Variants in CCS observed in about 807,000 individuals in gnomAD.
CCS encodes copper chaperone for superoxide dismutase.
CCS carries 32 observed loss-of-function variants against 35.5 expected under a neutral mutation model. The observed-to-expected ratio is 0.90, with a 90% CI of 0.68 to 1.21. CCS has a LOEUF of 1.21. Ranked by LOEUF, CCS falls within the 50% of genes most tolerant of loss-of-function variation. CCS has a pLI of 0.00. For synonymous variants in CCS, 130 were observed against 147.2 expected, an observed-to-expected ratio of 0.88 and a Z score of 0.84; for missense variants, 342 against 375.4, an observed-to-expected ratio of 0.91 and a Z score of 0.73.
intron 3 of CCS, 102 bp from the exon 4 acceptor site, chr11:66,599,357 G>A (rs1352572211): frequency 3.3e-6 from 5 of 1,498,402 alleles, no homozygotes; most frequent in Non-Finnish European, 4.5e-6. Context: ...GTGGCTTTGA[G>A]GAAGGTGTGA....
chr11:66,605,948 G>A lies in CCS; in HGVS notation c.*93G>A. The stretch of plus-strand genomic sequence containing the variant: ...GAGGGACTTTGCCTGCCCAGTCTTT[G>A]GAGAGCTCAGTACAGGGCAGGAGCT... On this transcript the variant is annotated 3_prime_UTR_variant, in exon 8 of 8. Transcript: ENST00000533244. The A allele has an allele frequency of 7.5e-7, 1 of 1,337,778 alleles. No individual in the cohort carries two copies. The highest frequency in any genetic ancestry group is 9.9e-7 in the Non-Finnish European group (1 of 1,013,708). 82.9% of individuals were successfully genotyped at this position (1,337,778 alleles called of 1,614,324 possible). A position where few individuals can be genotyped will look rare whatever the true frequency, so the allele number is the denominator to read the frequency against.
rs1467405865 is a variant in CCS, at chr11:66,605,929, C to CT, written c.*77dup. On this transcript the variant is annotated 3_prime_UTR_variant, in exon 8 of 8. Coordinates refer to ENST00000533244, the MANE Select transcript of CCS (RefSeq NM_005125.2). ...CCACTTCCAGAGGGGGCCAGAGGGA[C>CT]TTTGCCTGCCCAGTCTTTGGAGAGC... The CT allele has an allele frequency of 7.1e-7, 1 of 1,411,330 alleles. No homozygotes were observed. Among genetic ancestry groups the CT allele is most frequent in the Non-Finnish European group, 9.3e-7 (1 of 1,076,302 alleles). The allele number at this position is 1,411,330 out of a possible 1,614,324, so 87.4% of individuals were successfully genotyped here. A position where few individuals can be genotyped will look rare whatever the true frequency, so the allele number is the denominator to read the frequency against.
intron 2 of CCS, among the ~76,000 whole-genome samples, chr11:66,596,239 A>G (rs111523728): frequency 0.014 from 2,166 of 149,818 alleles, 57 homozygotes; most frequent in African/African-American, 0.05. Flanking sequence ...GCTAATTTTC[A>G]TACTTTTACT....
chr11:66,598,201 T>G (rs1858510841), intron 2 of CCS, among the ~76,000 whole-genome samples: 1 of 151,976 alleles, frequency 6.6e-6, no homozygotes, highest in South Asian at 2.1e-4. Context: ...TATCACTTCA[T>G]AAAGAAATCC....
At chr11:66,602,842 A>T (rs1292845893) in intron 5 of CCS, among the ~76,000 whole-genome samples, 1 of 152,236 alleles carries the variant, frequency 6.6e-6, no homozygotes, top group Non-Finnish European at 1.5e-5. Context: ...ACTGAGCAGG[A>T]GCTGACCAGC....
chr11:66,605,111 G>A lies in CCS; in HGVS notation c.490-228G>A, dbSNP rs1368916644. The A allele has an allele frequency of 4.6e-6, 7 of 1,509,220 alleles. No homozygotes were observed. The Admixed American group carries it at 1.4e-4, about 30-fold the overall frequency. The allele number at this position is 1,509,220 out of a possible 1,614,324, so 93.5% of individuals were successfully genotyped here. On this transcript the variant is annotated intron_variant, in intron 5 of 7. Transcript: ENST00000533244. ...AGGATTTCAGTTCCAGGGAGGGAGT[G>A]TTCAGATGGTCCGGGACTTCCTGGA... is the stretch of plus-strand genomic sequence containing the variant.
At chr11:66,605,024 G>A (rs1228039786) in intron 5 of CCS, 2 of 953,098 alleles carry the variant, frequency 2.1e-6, no homozygotes, top group Non-Finnish European at 2.9e-6. Context: ...GATCCAATGG[G>A]AATGACTGCA....
chr11:66,601,641 T>C (rs1858573171), intron 5 of CCS, among the ~76,000 whole-genome samples: 1 of 151,170 alleles, frequency 6.6e-6, no homozygotes, highest in African/African-American at 2.4e-5. Context: ...TGATCATGGC[T>C]CACTACAGCC....
At position 66,593,309 on chromosome 11, in the gene CCS, C is replaced by G. The variant is rs769897965; in HGVS notation, c.39+9C>G. 5 of 1,529,124 alleles carry G rather than the reference C, an allele frequency of 3.3e-6. No homozygotes were observed. The African/African-American group carries it at 6.9e-5, about 21-fold the overall frequency. The allele number at this position is 1,529,124 out of a possible 1,614,324, so 94.7% of individuals were successfully genotyped here. A position where few individuals can be genotyped will look rare whatever the true frequency, so the allele number is the denominator to read the frequency against. The stretch of plus-strand genomic sequence containing the variant: ...AGGGGACCCTCTGCACGGTGAGGGT[C>G]GAGGCTTCGTGTGGAGCCTCGCCGG... On this transcript the variant is annotated intron_variant, in intron 1 of 7. Transcript: ENST00000533244.
chr11:66,596,581 C>A (rs573512225), intron 2 of CCS, among the ~76,000 whole-genome samples: 1 of 151,840 alleles, frequency 6.6e-6, no homozygotes, highest in Non-Finnish European at 1.5e-5. Context: ...GGGGTTTCAC[C>A]GTGTTAGCCA....
chr11:66,599,623 A>G lies in CCS; in HGVS notation c.415A>G (p.Asn139Asp), dbSNP rs1209720592. 6 of 1,610,752 alleles carry G rather than the reference A, an allele frequency of 3.7e-6. No homozygotes were observed. In the South Asian group the frequency reaches 6.6e-5, roughly 18 times the overall value. ...CGTCCATCAGTACGGGGACCTTACAAACAACTGCAACAGGTGAGTTGTCTG... is the reference window on the plus strand; with the variant it reads ...CGTCCATCAGTACGGGGACCTTACAGACAACTGCAACAGGTGAGTTGTCTG... Reference protein sequence around the residue: ...LHVHQYGDLTNNCNSCGNHFN... With the variant: ...LHVHQYGDLTDNCNSCGNHFN... The change falls in exon 4 of 8, where the codon AAC (asparagine) becomes GAC (aspartate). Residue 139 changes from asparagine (N) to aspartate (D), a missense_variant. Asn to Asp is a conservative substitution (Grantham distance 23). Transcript: ENST00000533244.
Position 66,600,374 on chromosome 11 carries a change from C to T in CCS, c.429-115C>T, listed in dbSNP as rs928922654. On this transcript the variant is annotated intron_variant, in intron 4 of 7. Transcript: ENST00000533244. ...ACCCAAAGCCCAGCACAGAGTAGGC[C>T]TGTTTGTTGAATGAATGAATGAATG... 13 of 644,604 alleles carry T rather than the reference C, an allele frequency of 2.0e-5. No homozygotes were observed. In the African/African-American group the frequency reaches 2.2e-4, roughly 11 times the overall value. 39.9% of individuals were successfully genotyped at this position (644,604 alleles called of 1,614,324 possible).
At chr11:66,593,360 A>C in intron 1 of CCS, 60 bp downstream of exon 1, 1 of 1,442,998 alleles carries the variant, frequency 6.9e-7, no homozygotes, top group Non-Finnish European at 9.2e-7. Flanking sequence ...CCCTGGGATG[A>C]TCGTTACCTT....
chr11:66,605,321 C>G lies in CCS; in HGVS notation c.490-18C>G. On this transcript the variant is annotated intron_variant, in intron 5 of 7. Coordinates refer to ENST00000533244, the MANE Select transcript of CCS (RefSeq NM_005125.2). Reference sequence around the variant, plus strand: ...ACGTGGCACACATCCCCTATACACACACTGGATCTCATTCCAGCACCGCGG... The same window carrying G: ...ACGTGGCACACATCCCCTATACACAGACTGGATCTCATTCCAGCACCGCGG... The G allele has an allele frequency of 1.9e-6, 3 of 1,614,078 alleles. No individual in the cohort carries two copies. Among genetic ancestry groups the G allele is most frequent in the East Asian group, 2.2e-5 (1 of 44,884 alleles).
Position 66,593,727 on chromosome 11 carries a change from T to G in CCS, c.112+13T>G, listed in dbSNP as rs756233845. 2.9e-4 allele frequency: 465 copies of G among 1,613,140 alleles called. No individual in the cohort carries two copies. Among genetic ancestry groups the G allele is most frequent in the Non-Finnish European group, 3.7e-4 (434 of 1,179,300 alleles). ...CAAGGGGTGGCAGGTAAGAACAGGG[T>G]AAACTTTTCTGCAGACAGTCCAGAA... On this transcript the variant is annotated intron_variant, in intron 2 of 7. Transcript: ENST00000533244.
intron 2 of CCS, among the ~76,000 whole-genome samples, chr11:66,597,238 C>T (rs1354318755): frequency 6.6e-6 from 1 of 151,784 alleles, no homozygotes; most frequent in Non-Finnish European, 1.5e-5. Context: ...GCAGGCAGAT[C>T]ATGAGGTGAG....
chr11:66,604,388 C>T (rs189153063), intron 5 of CCS, among the ~76,000 whole-genome samples: 4 of 152,354 alleles, frequency 2.6e-5, no homozygotes, highest in African/African-American at 9.6e-5. Context: ...TAAAGCAGAA[C>T]TGCCACTTCT....
At chr11:66,596,502 C>T (rs1222284534) in intron 2 of CCS, among the ~76,000 whole-genome samples, 1 of 152,006 alleles carries the variant, frequency 6.6e-6, no homozygotes, top group Non-Finnish European at 1.5e-5. Flanking sequence ...GCTTCAGCCT[C>T]CTGAGTAGCT....
chr11:66,598,965 A>T, intron 2 of CCS, 151 bp from the exon 3 acceptor site: 6 of 815,432 alleles, frequency 7.4e-6, no homozygotes, highest in Non-Finnish European at 1.2e-5. Context: ...GAAGAGGCTT[A>T]CTCAGGGTTA....
Sources: gnomAD v4.1 joint callset for allele counts (sites outside exome capture counted in the v4.1 genomes callset) on GRCh38, gnomAD v4.1.1 for gene constraint, MANE v1.5 for transcripts, NCBI Gene and HGNC (gene_info 2026-07-23, HGNC 2026-07-21) for gene names.